The following ENTPD1 variants were observed in gnomAD, a reference collection of about 807,000 sequenced individuals.
ENTPD1 encodes ATP diphosphohydrolase.
In ENTPD1, 33 loss-of-function variants were observed where a neutral mutation model predicts 57.0. The ratio of observed to expected loss-of-function variants is 0.58; its 90% CI spans 0.44 to 0.77. The LOEUF (loss-of-function observed/expected upper bound fraction) is 0.77, where lower values mean the gene tolerates loss of function less well. Among genes scored for constraint, ENTPD1 ranks in the 30% least tolerant of loss-of-function variants. The probability of loss-of-function intolerance (pLI) is 0.00; values close to 1 mark genes in which losing one functional copy is unlikely to be tolerated. For missense variants in ENTPD1, 501 were observed against 603.4 expected (o/e 0.83, Z 1.78); for synonymous variants, 202 against 218.8 (o/e 0.92, Z 0.68).
At chr10:95,764,718 ATTTTT>A (rs34082135) in intron 1 of ENTPD1, among the ~76,000 whole-genome samples, 1 of 103,568 alleles carries the variant, frequency 9.7e-6, no homozygotes, top group African/African-American at 3.9e-5. Flanking sequence ...TCCTTTGCCC[ATTTTT>A]TTTTTTTTTT....
intron 1 of ENTPD1, among the ~76,000 whole-genome samples, chr10:95,774,274 G>A (rs757582089): frequency 3.3e-5 from 5 of 152,258 alleles, no homozygotes; most frequent in African/African-American, 7.2e-5. Context: ...CTCCCATTCT[G>A]TAGGTTGTCT....
chr10:95,854,830 G>A (rs894189088), intron 7 of ENTPD1, among the ~76,000 whole-genome samples: 3 of 152,136 alleles, frequency 2.0e-5, no homozygotes, highest in African/African-American at 2.4e-5. Flanking sequence ...TTTTACATTT[G>A]CTGAGGAGTG....
At chr10:95,711,721 C>A, upstream of ENTPD1, 1 of 529,836 alleles carries the variant, frequency 1.9e-6, no homozygotes, top group Non-Finnish European at 3.4e-6. Flanking sequence ...GTGCTGAGGT[C>A]ACAGGCATGT....
chr10:95,813,879 C>T (rs571440913), intron 1 of ENTPD1, among the ~76,000 whole-genome samples: 1 of 152,310 alleles, frequency 6.6e-6, no homozygotes, highest in African/African-American at 2.4e-5. Context: ...CTGGTTGAGT[C>T]AGTTCACCCT....
intron 1 of ENTPD1, among the ~76,000 whole-genome samples, chr10:95,742,189 T>G (rs1388617056): frequency 1.3e-5 from 2 of 152,210 alleles, no homozygotes; most frequent in African/African-American, 4.8e-5. Context: ...TTTATGCTGT[T>G]TGGAGTCTTG....
the ENTPD1 span, among the ~76,000 whole-genome samples, chr10:95,699,861 G>A: frequency 6.6e-6 from 1 of 152,192 alleles, no homozygotes; most frequent in Non-Finnish European, 1.5e-5. Context: ...CAGCAGCCTA[G>A]AATATCCATG....
intron 1 of ENTPD1, among the ~76,000 whole-genome samples, chr10:95,801,232 G>T (rs1340531017): frequency 6.6e-6 from 1 of 152,098 alleles, no homozygotes; most frequent in East Asian, 1.9e-4. Flanking sequence ...TTTTGCTTTT[G>T]TTGCTATTGC....
At chr10:95,834,652 TG>T (rs1170137174) in intron 2 of ENTPD1, among the ~76,000 whole-genome samples, 1 of 152,196 alleles carries the variant, frequency 6.6e-6, no homozygotes, top group Non-Finnish European at 1.5e-5. Flanking sequence ...ATGACATTTG[TG>T]TAGGTAGAAT....
chr10:95,864,667 G>A (rs1446569796), intron 8 of ENTPD1, 57 bp from the exon 9 acceptor site: 21 of 1,610,206 alleles, frequency 1.3e-5, no homozygotes, highest in Admixed American at 3.3e-5. Flanking sequence ...GAGAAAAAGA[G>A]GGCCACAGAG....
In ENTPD1 at chr10:95,874,615, G is replaced by C. The variant is rs1408126607; in HGVS notation, c.*8232G>C. Among the ~76,000 whole-genome samples, 1 of 152,228 alleles carries C rather than the reference G, an allele frequency of 6.6e-6. No homozygotes were observed. The highest frequency in any genetic ancestry group is 1.5e-5 in the Non-Finnish European group (1 of 68,052). ...CTGGGACTGTGGCCTTCTTCTCACA[G>C]CTCCACTAGGCAGTGCCCCAACAGG... On this transcript the variant is annotated 3_prime_UTR_variant, in exon 10 of 10. Transcript: ENST00000371205.
At chr10:95,696,838 T>C in the ENTPD1 span, among the ~76,000 whole-genome samples, 1 of 152,222 alleles carries the variant, frequency 6.6e-6, no homozygotes, top group African/African-American at 2.4e-5. Flanking sequence ...GAGTTTAATA[T>C]GTAATTGGAA....
chr10:95,855,544 C>T (rs2098453013), intron 7 of ENTPD1, among the ~76,000 whole-genome samples: 2 of 152,228 alleles, frequency 1.3e-5, no homozygotes, highest in Admixed American at 1.3e-4. Context: ...ATGGTCTTTA[C>T]AATTTGGCAT....
chr10:95,867,553 A>C lies in ENTPD1; in HGVS notation c.*1170A>C. On this transcript the variant is annotated 3_prime_UTR_variant, in exon 10 of 10. Coordinates refer to ENST00000371205, the MANE Select transcript of ENTPD1 (RefSeq NM_001776.6). ...TGCCCTATCGTGGAATTTACACATCAGAATGTGCAGGATCCAAGTCTGAAA... is the reference window on the plus strand; with the variant it reads ...TGCCCTATCGTGGAATTTACACATCCGAATGTGCAGGATCCAAGTCTGAAA... 1 of 985,466 alleles carries C rather than the reference A, an allele frequency of 1.0e-6. No homozygotes were observed. The allele number at this position is 985,466 out of a possible 1,614,324, so 61.0% of individuals were successfully genotyped here. A position where few individuals can be genotyped will look rare whatever the true frequency, so the allele number is the denominator to read the frequency against.
In ENTPD1 at chr10:95,870,322, T is replaced by C; in HGVS notation, c.*3939T>C. On this transcript the variant is annotated 3_prime_UTR_variant, in exon 10 of 10. Coordinates refer to ENST00000371205, the MANE Select transcript of ENTPD1 (RefSeq NM_001776.6). Reference sequence around the variant, plus strand: ...TTTTTTTGGAGCTAGTCTTGCTCTGTTGCCCAGGCTGGAATGCAGTGGCAT... The same window carrying C: ...TTTTTTTGGAGCTAGTCTTGCTCTGCTGCCCAGGCTGGAATGCAGTGGCAT... 1.0e-6 allele frequency: 1 copy of C among 977,498 alleles called. No individual in the cohort carries two copies. Among genetic ancestry groups the C allele is most frequent in the Non-Finnish European group, 1.2e-6 (1 of 822,758 alleles). 60.6% of individuals were successfully genotyped at this position (977,498 alleles called of 1,614,324 possible).
At chr10:95,725,083 A>G (rs576503237) in intron 1 of ENTPD1, among the ~76,000 whole-genome samples, 13 of 152,080 alleles carry the variant, frequency 8.5e-5, no homozygotes, top group African/African-American at 2.9e-4. Context: ...TTCTATTGAT[A>G]TATTGTTAAA....
At chr10:95,765,032 T>A (rs528209516) in intron 1 of ENTPD1, among the ~76,000 whole-genome samples, 1 of 152,134 alleles carries the variant, frequency 6.6e-6, no homozygotes, top group Non-Finnish European at 1.5e-5. Flanking sequence ...TCTTTGCCCA[T>A]TTTTTAAATG....
intron 1 of ENTPD1, among the ~76,000 whole-genome samples, chr10:95,720,646 G>A (rs77023720): frequency 0.016 from 2,383 of 152,272 alleles, 60 homozygotes; most frequent in African/African-American, 0.054. Flanking sequence ...CTTGCCACAG[G>A]CACCCTCATT....
At position 95,876,105 on chromosome 10, in the gene ENTPD1, T is replaced by A. The variant is rs2098485489; in HGVS notation, c.*9722T>A. On this transcript the variant is annotated 3_prime_UTR_variant, in exon 10 of 10. Coordinates refer to ENST00000371205, the MANE Select transcript of ENTPD1 (RefSeq NM_001776.6). ...AAACCTGAAATGCAGTCTATTATCA[T>A]ACATAACTAAAAATAGAGCCTCAAT... 7.1e-6 allele frequency: 7 copies of A among 985,300 alleles called. No homozygotes were observed. In the South Asian group the frequency reaches 2.3e-4, roughly 33 times the overall value. The allele number at this position is 985,300 out of a possible 1,614,324, so 61.0% of individuals were successfully genotyped here. A position where few individuals can be genotyped will look rare whatever the true frequency, so the allele number is the denominator to read the frequency against.
chr10:95,811,019 A>G (rs545807462), intron 1 of ENTPD1, among the ~76,000 whole-genome samples: 2 of 152,338 alleles, frequency 1.3e-5, no homozygotes, highest in Admixed American at 6.5e-5. Flanking sequence ...ATGGTTAAAG[A>G]GAAAGCCAGC....
Sources: gnomAD v4.1 joint callset for allele counts (sites outside exome capture counted in the v4.1 genomes callset) on GRCh38, gnomAD v4.1.1 for gene constraint, MANE v1.5 for transcripts, NCBI Gene and HGNC (gene_info 2026-07-23, HGNC 2026-07-21) for gene names.